The following ANKRD36 variants were observed in gnomAD, a reference collection of about 807,000 sequenced individuals.
ANKRD36 encodes the protein ankyrin repeat domain-containing protein 36A.
ANKRD36 carries 179 observed loss-of-function variants against 278.1 expected under a neutral mutation model. The observed-to-expected ratio is 0.64, with a 90% CI of 0.57 to 0.73. The LOEUF (loss-of-function observed/expected upper bound fraction) is 0.73. ANKRD36 is among the 30% of genes least tolerant of loss of function. The probability of loss-of-function intolerance (pLI) is 0.00; values close to 1 mark genes in which losing one functional copy is unlikely to be tolerated. For synonymous variants in ANKRD36, 320 were observed against 641.1 expected (o/e 0.50, Z 7.57); for missense variants, 1,159 against 1,956.7 (o/e 0.59, Z 7.69).
Position 97,113,465 on chromosome 2 carries a change from C to T in ANKRD36, c.-275C>T. The T allele has an allele frequency of 2.0e-6, 1 of 490,704 alleles. No homozygotes were observed. The highest frequency in any genetic ancestry group is 3.6e-6 in the Non-Finnish European group (1 of 280,700). 30.4% of individuals were successfully genotyped at this position (490,704 alleles called of 1,614,324 possible). ...CGCTCCAGGGAGCCCCGCCCTCCCG[C>T]GGCACCTCCGCAGCAACCGCCGCCT... On this transcript the variant is annotated 5_prime_UTR_variant, in exon 1 of 76. Coordinates refer to ENST00000420699, the MANE Select transcript of ANKRD36 (RefSeq NM_001354587.1).
intron 56 of ANKRD36, among the ~76,000 whole-genome samples, chr2:97,210,163 G>C (rs1411415047): frequency 5.9e-5 from 9 of 151,924 alleles, no homozygotes; most frequent in Non-Finnish European, 1.0e-4. Flanking sequence ...TAATTCTACA[G>C]CTTGTTTTCA....
chr2:97,172,287 T>TA (rs1169701111), intron 22 of ANKRD36, among the ~76,000 whole-genome samples: 5 of 151,904 alleles, frequency 3.3e-5, no homozygotes, highest in Admixed American at 2.0e-4. Context: ...AAATCAGTGA[T>TA]ATATATTTCA....
At chr2:97,192,561 A>G (rs1398610903) in intron 36 of ANKRD36, among the ~76,000 whole-genome samples, 1 of 151,744 alleles carries the variant, frequency 6.6e-6, no homozygotes, top group African/African-American at 2.4e-5. Flanking sequence ...ATTTTAGATC[A>G]CATTTGTCCG....
rs1283549185 is a variant in ANKRD36 at position 97,118,064 on chromosome 2, G to C, written c.198G>C (p.Arg66Ser). The change falls in exon 2 of 76, where the codon AGG becomes AGC. Residue 66 changes from arginine (R) to serine (S), a missense_variant and splice_region_variant. Transcript: ENST00000420699. ...TTAAAAAGTCCTGTCACTCTCACAG[G>C]ACCGCCCTACATTTGGCCTGTGCCA... is the stretch of plus-strand genomic sequence containing the variant. The part of the protein sequence containing the change: ...YDANKRDRKE[R>S]TALHLACATG... 1.9e-6 allele frequency: 3 copies of C among 1,552,940 alleles called. No individual in the cohort carries two copies. Among genetic ancestry groups the C allele is most frequent in the Non-Finnish European group, 2.6e-6 (3 of 1,147,604 alleles).
chr2:97,132,624 A>G (rs2040457526), intron 6 of ANKRD36, among the ~76,000 whole-genome samples: 1 of 152,108 alleles, frequency 6.6e-6, no homozygotes. Flanking sequence ...CTAATTTCAT[A>G]TAATGCCATT....
chr2:97,193,115 T>C (rs2058901492), intron 38 of ANKRD36, 62 bp downstream of exon 38: 5 of 1,414,066 alleles, frequency 3.5e-6, no homozygotes, highest in Non-Finnish European at 4.8e-6. Context: ...TTCTCTTCCC[T>C]GAATAAATCA....
Position 97,207,847 on chromosome 2 carries a change from A to G in ANKRD36, c.3192+8A>G, listed in dbSNP as rs1234336251. 8.4e-6 allele frequency: 13 copies of G among 1,546,468 alleles called. 1 individual carries two copies. Among genetic ancestry groups the G allele is most frequent in the Admixed American group, 3.9e-5 (2 of 50,850 alleles). On this transcript the variant is annotated splice_region_variant and intron_variant, in intron 53 of 75. Transcript: ENST00000420699. ...AAACCATCAGGCTTGAAGGTAATGAAACTGTCATTTATATTGTGAACTAGT... is the reference window on the plus strand; with the variant it reads ...AAACCATCAGGCTTGAAGGTAATGAGACTGTCATTTATATTGTGAACTAGT...
intron 17 of ANKRD36, among the ~76,000 whole-genome samples, chr2:97,161,696 G>T (rs1347050104): frequency 6.6e-6 from 1 of 152,038 alleles, no homozygotes; most frequent in African/African-American, 2.4e-5. Flanking sequence ...CCACGTTATT[G>T]TGGTAGTTCT....
chr2:97,200,974 G>A (rs2061220727), intron 46 of ANKRD36, among the ~76,000 whole-genome samples: 1 of 151,862 alleles, frequency 6.6e-6, no homozygotes, highest in South Asian at 2.1e-4. Context: ...TTTTCTGAAT[G>A]AAGACGGATT....
intron 56 of ANKRD36, among the ~76,000 whole-genome samples, 163 bp downstream of exon 56, chr2:97,210,035 G>T (rs1348157568): frequency 6.6e-6 from 1 of 151,800 alleles, no homozygotes; most frequent in Non-Finnish European, 1.5e-5. Flanking sequence ...GATGCTGCTG[G>T]CCTGGAACAT....
chr2:97,117,919 T>C, intron 1 of ANKRD36, 145 bp from the exon 2 acceptor site: 10 of 1,190,670 alleles, frequency 8.4e-6, no homozygotes, highest in Non-Finnish European at 1.2e-5. Context: ...TAGCCTGCTC[T>C]TTCATTAATG....
rs774233380 is a variant in ANKRD36 at position 97,142,614 on chromosome 2, G to T, written c.800-26G>T. The stretch of plus-strand genomic sequence containing the variant: ...AATTTTATCATATTTACATATGATT[G>T]ATTATGTATCCCTTTTGCTTTTCAG... On this transcript the variant is annotated intron_variant, in intron 6 of 75. Transcript: ENST00000420699. 10 of 1,606,878 alleles carry T rather than the reference G, an allele frequency of 6.2e-6. No homozygotes were observed. The South Asian group carries it at 9.9e-5, about 16-fold the overall frequency.
chr2:97,231,008 T>C (rs1032269731), intron 67 of ANKRD36, among the ~76,000 whole-genome samples: 15 of 152,064 alleles, frequency 9.9e-5, no homozygotes, highest in African/African-American at 3.6e-4. Flanking sequence ...GAGTTTTGTC[T>C]CAGAGGAGTA....
intron 6 of ANKRD36, among the ~76,000 whole-genome samples, chr2:97,131,226 G>C (rs1046834152): frequency 6.7e-6 from 1 of 149,424 alleles, no homozygotes; most frequent in Non-Finnish European, 1.5e-5. Context: ...GTCTTTTGCT[G>C]TTTCCCAGGC....
At chr2:97,177,521 C>T (rs897310418) in intron 22 of ANKRD36, among the ~76,000 whole-genome samples, 8 of 151,940 alleles carry the variant, frequency 5.3e-5, no homozygotes, top group African/African-American at 1.9e-4. Context: ...AGAAATAATG[C>T]TGCATATCTA....
At chr2:97,203,177 A>T (rs1428837828) in intron 48 of ANKRD36, among the ~76,000 whole-genome samples, 1 of 151,786 alleles carries the variant, frequency 6.6e-6, no homozygotes, top group Non-Finnish European at 1.5e-5. Flanking sequence ...TAGCTATTTC[A>T]TGAAACTTCT....
intron 68 of ANKRD36, among the ~76,000 whole-genome samples, chr2:97,235,603 T>G (rs2073455214): frequency 7.2e-6 from 1 of 139,642 alleles, no homozygotes; most frequent in Non-Finnish European, 1.5e-5. Context: ...AAATTCTACA[T>G]CCGACCTCAT....
Position 97,206,097 on chromosome 2 carries a change from T to A in ANKRD36, c.3125T>A (p.Ile1042Lys). 6.5e-7 allele frequency: 1 copy of A among 1,549,538 alleles called. No individual in the cohort carries two copies. The highest frequency in any genetic ancestry group is 8.7e-7 in the Non-Finnish European group (1 of 1,149,140). Reference sequence around the variant, plus strand: ...GATGAGGAAGATTCTGTTTTGAGTATAGCCAGAGAAAACAAGGATGGAGAA... The same window carrying A: ...GATGAGGAAGATTCTGTTTTGAGTAAAGCCAGAGAAAACAAGGATGGAGAA... ...TSDEEDSVLS[I>K]ARENKDGEKS... is the part of the protein sequence containing the mutation. The change falls in exon 52 of 76, where the codon ATA (isoleucine) becomes AAA (lysine). Residue 1042 changes from isoleucine to lysine, a missense_variant. Transcript: ENST00000420699.
intron 52 of ANKRD36, among the ~76,000 whole-genome samples, 152 bp from the exon 53 acceptor site, chr2:97,207,659 T>C (rs1461444995): frequency 6.6e-6 from 1 of 151,582 alleles, no homozygotes; most frequent in Non-Finnish European, 1.5e-5. Context: ...CGTATTTCTG[T>C]CATGTTCTAG....
Sources: gnomAD v4.1 joint callset for allele counts (sites outside exome capture counted in the v4.1 genomes callset) on GRCh38, gnomAD v4.1.1 for gene constraint, MANE v1.5 for transcripts, NCBI Gene and HGNC (gene_info 2026-07-23, HGNC 2026-07-21) for gene names.